The following ZKSCAN1 variants were observed in gnomAD, a reference collection of about 807,000 sequenced individuals.
ZKSCAN1 encodes the protein zinc finger protein with KRAB and SCAN domains 1.
In ZKSCAN1, 14 loss-of-function variants were observed where a neutral mutation model predicts 51.6. The observed-to-expected ratio is 0.27, with a 90% CI of 0.18 to 0.42. The LOEUF is 0.42. Ranked by LOEUF, ZKSCAN1 falls within the 10% of genes least tolerant of loss-of-function variation. The probability of loss-of-function intolerance (pLI) is 1.00; values close to 1 mark genes in which losing one functional copy is unlikely to be tolerated. For synonymous variants in ZKSCAN1, 263 were observed against 261.5 expected, an observed-to-expected ratio of 1.01 and a Z score of -0.06; for missense variants, 531 against 710.0, an observed-to-expected ratio of 0.75 and a Z score of 2.86.
chr7:100,028,962 C>T (rs554013575), intron 3 of ZKSCAN1, among the ~76,000 whole-genome samples: 32 of 151,938 alleles, frequency 2.1e-4, no homozygotes, highest in Non-Finnish European at 4.0e-4. Context: ...GTCAGGAGTT[C>T]GAGACCAGCC....
chr7:100,027,104 CTGGCCAACA>C (rs1445160857), intron 3 of ZKSCAN1, among the ~76,000 whole-genome samples: 13 of 152,114 alleles, frequency 8.5e-5, no homozygotes, highest in Non-Finnish European at 1.8e-4. Context: ...CAAGACCAGC[CTGGCCAACA>C]TGGCGAAACG....
downstream of ZKSCAN1, among the ~76,000 whole-genome samples, chr7:100,043,824 C>G (rs181176513): frequency 2.6e-3 from 322 of 124,562 alleles, 3 homozygotes; most frequent in African/African-American, 8.8e-3. Flanking sequence ...TCTCTGTTGC[C>G]CAAGCTGGAG....
intron 3 of ZKSCAN1, among the ~76,000 whole-genome samples, chr7:100,027,294 CAA>C (rs968136794): frequency 2.9e-4 from 24 of 82,942 alleles, no homozygotes; most frequent in East Asian, 3.4e-4. Flanking sequence ...ACACTCATCT[CAA>C]AAAAAAAAAA....
Position 100,039,848 on chromosome 7 carries a change from T to C in ZKSCAN1, c.*5651T>C. ...AAAGTCTGCAGATTGTTAAATGAAATATAGAATCAGAGAAAAAGAAAAGTC... is the reference window on the plus strand; with the variant it reads ...AAAGTCTGCAGATTGTTAAATGAAACATAGAATCAGAGAAAAAGAAAAGTC... On this transcript the variant is annotated 3_prime_UTR_variant, in exon 6 of 6. Coordinates refer to ENST00000324306, the MANE Select transcript of ZKSCAN1 (RefSeq NM_003439.4). 1 of 985,374 alleles carries C rather than the reference T, an allele frequency of 1.0e-6. No homozygotes were observed. The highest frequency in any genetic ancestry group is 1.7e-5 in the African/African-American group (1 of 57,346). 61.0% of individuals were successfully genotyped at this position (985,374 alleles called of 1,614,324 possible). A position where few individuals can be genotyped will look rare whatever the true frequency, so the allele number is the denominator to read the frequency against.
intron 1 of ZKSCAN1, among the ~76,000 whole-genome samples, chr7:100,019,994 C>T (rs191504407): frequency 5.3e-4 from 80 of 152,320 alleles, no homozygotes; most frequent in Middle Eastern, 3.4e-3. Flanking sequence ...TGAGCCGCTG[C>T]GCTCAGCCTC....
Position 100,032,723 on chromosome 7 carries a change from C to T in ZKSCAN1, c.800-582C>T, listed in dbSNP as rs368102905. Among the ~76,000 whole-genome samples the T allele has an allele frequency of 1.6e-4, 24 of 151,848 alleles. No individual in the cohort carries two copies. The East Asian group carries it at 4.3e-3, about 27-fold the overall frequency. On this transcript the variant is annotated intron_variant, in intron 5 of 5. Coordinates refer to ENST00000324306, the MANE Select transcript of ZKSCAN1 (RefSeq NM_003439.4). ...TAAAAAAATACAAAAGTTACCCGGG[C>T]GTAGGCCAGGCGTGGTGGCTCACGC...
Position 100,040,858 on chromosome 7 carries a change from G to C in ZKSCAN1, c.*6661G>C, listed in dbSNP as rs964854310. The C allele has an allele frequency of 1.0e-6, 1 of 985,252 alleles. No homozygotes were observed. The highest frequency in any genetic ancestry group is 1.2e-6 in the Non-Finnish European group (1 of 829,918). 61.0% of individuals were successfully genotyped at this position (985,252 alleles called of 1,614,324 possible). A position where few individuals can be genotyped will look rare whatever the true frequency, so the allele number is the denominator to read the frequency against. On this transcript the variant is annotated 3_prime_UTR_variant, in exon 6 of 6. Coordinates refer to ENST00000324306, the MANE Select transcript of ZKSCAN1 (RefSeq NM_003439.4). Reference sequence around the variant, plus strand: ...CAAGGACAAAGCATGTTAGATTAGAGATGCTTCTGCTGATCGCAGGGGTTC... The same window carrying C: ...CAAGGACAAAGCATGTTAGATTAGACATGCTTCTGCTGATCGCAGGGGTTC...
chr7:100,017,938 A>C (rs1790439442), intron 1 of ZKSCAN1, among the ~76,000 whole-genome samples: 1 of 152,218 alleles, frequency 6.6e-6, no homozygotes, highest in African/African-American at 2.4e-5. Context: ...ATGTACAGTT[A>C]CATCTTTTAA....
rs1020981188 is a variant in ZKSCAN1, at chr7:100,040,668, G to C, written c.*6471G>C. On this transcript the variant is annotated 3_prime_UTR_variant, in exon 6 of 6. Transcript: ENST00000324306. ...ATGGAAGGAGAAGGGGGAAGAGGAC[G>C]GTAACGGCCCCACACTCCAGGCTGA... 1 of 985,452 alleles carries C rather than the reference G, an allele frequency of 1.0e-6. No homozygotes were observed. The highest frequency in any genetic ancestry group is 1.2e-6 in the Non-Finnish European group (1 of 829,960). 61.0% of individuals were successfully genotyped at this position (985,452 alleles called of 1,614,324 possible). A position where few individuals can be genotyped will look rare whatever the true frequency, so the allele number is the denominator to read the frequency against.
chr7:100,041,710 TTTG>T (rs1165466315), downstream of ZKSCAN1: 48 of 985,336 alleles, frequency 4.9e-5, no homozygotes, highest in African/African-American at 7.0e-5. Flanking sequence ...TGGTTTGTTT[TTTG>T]TTCTTTGTTT....
intron 1 of ZKSCAN1, among the ~76,000 whole-genome samples, chr7:100,022,964 T>TA (rs1421391105): frequency 6.6e-6 from 1 of 152,140 alleles, no homozygotes; most frequent in Non-Finnish European, 1.5e-5. Context: ...CAAATCTTGA[T>TA]ATATGAAGTG....
chr7:100,028,460 G>C (rs1226452289), intron 3 of ZKSCAN1, among the ~76,000 whole-genome samples: 1 of 152,188 alleles, frequency 6.6e-6, no homozygotes, highest in Non-Finnish European at 1.5e-5. Flanking sequence ...GCTGCAGTGA[G>C]ACATGTTTGA....
rs1319872057 is a variant in ZKSCAN1, at chr7:100,039,295, G to C, written c.*5098G>C. On this transcript the variant is annotated 3_prime_UTR_variant, in exon 6 of 6. Coordinates refer to ENST00000324306, the MANE Select transcript of ZKSCAN1 (RefSeq NM_003439.4). ...CCACTGCACTCCAGCCTGGGTAACA[G>C]AGACTCTGTCTCAAAAAAAGAAAAA... The C allele has an allele frequency of 2.0e-6, 2 of 977,662 alleles. No individual in the cohort carries two copies. The highest frequency in any genetic ancestry group is 3.7e-5 in the African/African-American group (2 of 54,544). 60.6% of individuals were successfully genotyped at this position (977,662 alleles called of 1,614,324 possible).
chr7:100,031,582 C>T (rs1239488102), intron 5 of ZKSCAN1, among the ~76,000 whole-genome samples: 1 of 152,084 alleles, frequency 6.6e-6, no homozygotes, highest in African/African-American at 2.4e-5. Context: ...CACCTGGTCT[C>T]CAGCATTGTT....
In ZKSCAN1 at chr7:100,033,620, C is replaced by A. The variant is rs764837989; in HGVS notation, c.1115C>A (p.Thr372Lys). The change falls in exon 6 of 6, where the codon ACG (threonine) becomes AAG (lysine). Residue 372 changes from threonine (T) to lysine (K), a missense_variant. This residue lies in a region of ZKSCAN1 where 403 missense variants were observed against 490.5 expected (regional missense o/e 0.82). Coordinates refer to ENST00000324306, the MANE Select transcript of ZKSCAN1 (RefSeq NM_003439.4). This position sits in a 1 kb window ranked among gnomAD's most constrained non-coding sequence, Gnocchi z 4.1. The part of the protein sequence containing the change: ...SNFTTPEEVP[T>K]GTKSHRCDEC... Reference sequence around the variant, plus strand: ...TTCACCACCCCTGAAGAAGTTCCCACGGGAACAAAGTCTCACAGATGTGAT... The same window carrying A: ...TTCACCACCCCTGAAGAAGTTCCCAAGGGAACAAAGTCTCACAGATGTGAT... 6.2e-7 allele frequency: 1 copy of A among 1,614,190 alleles called. No individual in the cohort carries two copies. The highest frequency in any genetic ancestry group is 2.2e-5 in the East Asian group (1 of 44,888).
chr7:100,042,948 C>T (rs189628355), downstream of ZKSCAN1, among the ~76,000 whole-genome samples: 364 of 152,166 alleles, frequency 2.4e-3, 3 homozygotes, highest in African/African-American at 8.4e-3. Context: ...CAGGCGCCCG[C>T]CACTGTGCCC....
chr7:100,035,897 G>T lies in ZKSCAN1; in HGVS notation c.*1700G>T, dbSNP rs752784078. On this transcript the variant is annotated 3_prime_UTR_variant, in exon 6 of 6. Coordinates refer to ENST00000324306, the MANE Select transcript of ZKSCAN1 (RefSeq NM_003439.4). ...TCATCGCCACTCAAGTAGGACAAGG[G>T]TCCTACCCAAGGCTAGGACCGCCCT... The T allele has an allele frequency of 1.0e-6, 1 of 985,260 alleles. No homozygotes were observed. The allele number at this position is 985,260 out of a possible 1,614,324, so 61.0% of individuals were successfully genotyped here. A position where few individuals can be genotyped will look rare whatever the true frequency, so the allele number is the denominator to read the frequency against.
intron 5 of ZKSCAN1, among the ~76,000 whole-genome samples, chr7:100,030,772 A>G (rs1390623215): frequency 1.3e-5 from 2 of 151,988 alleles, no homozygotes; most frequent in Admixed American, 6.6e-5. Context: ...ATCCCAACCC[A>G]TTGTCCCGGT....
Position 100,036,573 on chromosome 7 carries a change from C to A in ZKSCAN1, c.*2376C>A. On this transcript the variant is annotated 3_prime_UTR_variant, in exon 6 of 6. Coordinates refer to ENST00000324306, the MANE Select transcript of ZKSCAN1 (RefSeq NM_003439.4). ...TCTCTACTAAAATTATAAAAATTAG[C>A]CGGGCATGATGGTGGGCACCTGTAA... 1 of 756,212 alleles carries A rather than the reference C, an allele frequency of 1.3e-6. No homozygotes were observed. Among genetic ancestry groups the A allele is most frequent in the South Asian group, 6.0e-5 (1 of 16,662 alleles). The allele number at this position is 756,212 out of a possible 1,614,324, so 46.8% of individuals were successfully genotyped here.
Sources: allele counts gnomAD v4.1 joint callset (sites outside exome capture counted in the v4.1 genomes callset), GRCh38; gene constraint gnomAD v4.1.1; regional missense constraint gnomAD v4.1.1; non-coding constraint Gnocchi (gnomAD v3.1); transcripts MANE v1.5; gene names NCBI Gene and HGNC (gene_info 2026-07-23, HGNC 2026-07-21).